Variants in CENPU observed in about 807,000 individuals in gnomAD.
CENPU encodes the protein centromere protein U.
CENPU carries 46 observed loss-of-function variants against 56.7 expected under a neutral mutation model. That is an observed-to-expected ratio of 0.81 (90% CI 0.64 to 1.04). The LOEUF (loss-of-function observed/expected upper bound fraction) is 1.04. Ranked by LOEUF, CENPU falls within the 50% of genes least tolerant of loss-of-function variation. The pLI is 0.00. For missense variants in CENPU, 510 were observed against 490.1 expected, an observed-to-expected ratio of 1.04 and a Z score of -0.38; for synonymous variants, 166 against 163.0, an observed-to-expected ratio of 1.02 and a Z score of -0.14.
intron 4 of CENPU, among the ~76,000 whole-genome samples, chr4:184,721,410 G>A (rs1195335441): frequency 2.5e-5 from 3 of 118,224 alleles, no homozygotes; most frequent in African/African-American, 9.7e-5. Flanking sequence ...AACACTGAAT[G>A]TAAATGGACT....
Position 184,695,238 on chromosome 4 carries a change from A to C in CENPU, c.*50T>G, listed in dbSNP as rs751544653. The C allele has an allele frequency of 1.0e-5, 12 of 1,184,240 alleles. No individual in the cohort carries two copies. In the African/African-American group the frequency reaches 1.7e-4, roughly 16 times the overall value. 73.4% of individuals were successfully genotyped at this position (1,184,240 alleles called of 1,614,324 possible). On this transcript the variant is annotated 3_prime_UTR_variant, in exon 13 of 13. Coordinates refer to ENST00000281453, the MANE Select transcript of CENPU (RefSeq NM_024629.4). ...TATAAAGGTACAGTTTCAGAAGGTA[A>C]CAGCATGAGACTAGTCTTCCTATAG...
intron 12 of CENPU, 95 bp downstream of exon 12, chr4:184,697,552 C>T (rs889053343): frequency 1.7e-6 from 2 of 1,172,526 alleles, no homozygotes; most frequent in African/African-American, 1.5e-5. Flanking sequence ...TCTGTATCTG[C>T]ATTTGTCTTT....
chr4:184,715,024 T>C (rs149505403), intron 6 of CENPU, among the ~76,000 whole-genome samples: 300 of 152,288 alleles, frequency 2.0e-3, no homozygotes, highest in African/African-American at 7.1e-3. Context: ...ACAGAGATCA[T>C]AGTTTGCTTC....
chr4:184,725,624 C>G (rs115166608), intron 3 of CENPU, among the ~76,000 whole-genome samples: 1 of 152,204 alleles, frequency 6.6e-6, no homozygotes, highest in Non-Finnish European at 1.5e-5. Flanking sequence ...CTGCATTAAA[C>G]TATAAACTCA....
chr4:184,708,472 AAAAAATT>A (rs1760805260), intron 8 of CENPU, among the ~76,000 whole-genome samples: 1 of 151,904 alleles, frequency 6.6e-6, no homozygotes, highest in Non-Finnish European at 1.5e-5. Flanking sequence ...ATAAAAAAAT[AAAAAATT>A]AAAAAACCTT....
chr4:184,725,087 C>T, intron 3 of CENPU, 25 bp from the exon 4 acceptor site: 1 of 1,488,466 alleles, frequency 6.7e-7, no homozygotes, highest in East Asian at 2.3e-5. Context: ...AAAAGAAGCA[C>T]AACTTTAAAA....
chr4:184,721,778 G>C (rs1761286743), intron 4 of CENPU, among the ~76,000 whole-genome samples: 1 of 152,120 alleles, frequency 6.6e-6, no homozygotes, highest in South Asian at 2.1e-4. Flanking sequence ...TAAAGGGAGA[G>C]ACAGACCCCA....
At chr4:184,702,302 A>G in intron 9 of CENPU, 61 bp downstream of exon 9, 1 of 1,478,496 alleles carries the variant, frequency 6.8e-7, no homozygotes, top group South Asian at 1.2e-5. Flanking sequence ...AGACAACAAT[A>G]TGCTGCTACA....
intron 4 of CENPU, among the ~76,000 whole-genome samples, chr4:184,722,959 T>C (rs377581091): frequency 1.3e-5 from 2 of 152,254 alleles, no homozygotes; most frequent in East Asian, 3.9e-4. Flanking sequence ...TAGGTGGCAA[T>C]GTGGCAATAA....
chr4:184,732,506 G>C (rs143167565), intron 1 of CENPU, among the ~76,000 whole-genome samples: 3 of 152,262 alleles, frequency 2.0e-5, no homozygotes, highest in African/African-American at 7.2e-5. Flanking sequence ...CCGGGATTCA[G>C]AAAATTTAAG....
intron 7 of CENPU, chr4:184,710,425 T>C (rs1057482040): frequency 1.2e-5 from 4 of 331,264 alleles, no homozygotes; most frequent in Non-Finnish European, 1.6e-5. Context: ...ACCAAAAGCA[T>C]TGCTGCCTTT....
intron 4 of CENPU, among the ~76,000 whole-genome samples, chr4:184,720,180 G>T (rs982577852): frequency 1.3e-5 from 2 of 151,810 alleles, no homozygotes; most frequent in Non-Finnish European, 2.9e-5. Context: ...CTTTAACAAA[G>T]AATTGAAATA....
chr4:184,712,809 G>T, intron 7 of CENPU, 135 bp downstream of exon 7: 1 of 624,120 alleles, frequency 1.6e-6, no homozygotes. Context: ...TTACTCCAAA[G>T]TCACATATTC....
Position 184,724,073 on chromosome 4 carries a change from G to C in CENPU, c.320+884C>G, listed in dbSNP as rs1301825365. On this transcript the variant is annotated intron_variant, in intron 4 of 12. Transcript: ENST00000281453. ...AGATCAGGAGATCGAGACCAGCCTG[G>C]GTAACATGGTGAAACCCCGTCTCTA... Among the ~76,000 whole-genome samples, 6 of 151,624 alleles carry C rather than the reference G, an allele frequency of 4.0e-5. No homozygotes were observed. In the South Asian group the frequency reaches 6.3e-4, roughly 16 times the overall value.
rs770684104 is a variant in CENPU, at chr4:184,695,406, T to C, written c.1144-5A>G. The C allele has an allele frequency of 2.5e-6, 4 of 1,593,374 alleles. No homozygotes were observed. The Admixed American group carries it at 6.7e-5, about 27-fold the overall frequency. ...TGGAAGGCTGGATGAATCATACTGT[T>C]GAAAGAAAATTATATAATTAGCAAT... On this transcript the variant is annotated splice_region_variant and splice_polypyrimidine_tract_variant and intron_variant, in intron 12 of 12. Transcript: ENST00000281453.
At position 184,716,565 on chromosome 4, in the gene CENPU, T is replaced by C. The variant is rs1190790245; in HGVS notation, c.450A>G (p.Lys150=). 1 of 1,614,100 alleles carries C rather than the reference T, an allele frequency of 6.2e-7. No homozygotes were observed. The highest frequency in any genetic ancestry group is 8.5e-7 in the Non-Finnish European group (1 of 1,180,042). The change falls in exon 6 of 13, where the codon AAA becomes AAG. Residue 150 remains lysine (K), a synonymous_variant. Coordinates refer to ENST00000281453, the MANE Select transcript of CENPU (RefSeq NM_024629.4). The part of the protein sequence containing the change: ...ESIEESDTRR[K]VKSAEKISTQ... Reference sequence around the variant, plus strand: ...TACTTATTTTCTCTGCTGATTTAACTTTTCTCCTTGTATCACTTTCTTCAA... The same window carrying C: ...TACTTATTTTCTCTGCTGATTTAACCTTTCTCCTTGTATCACTTTCTTCAA...
intron 8 of CENPU, among the ~76,000 whole-genome samples, chr4:184,705,967 T>C (rs979541614): frequency 6.6e-5 from 10 of 152,114 alleles, no homozygotes; most frequent in African/African-American, 2.4e-4. Flanking sequence ...GGGTGGAGAA[T>C]AGAAAATTGT....
At position 184,694,408 on chromosome 4, in the gene CENPU, C is replaced by T; in HGVS notation, c.*880G>A. The T allele has an allele frequency of 7.0e-7, 1 of 1,421,576 alleles. No homozygotes were observed. Among genetic ancestry groups the T allele is most frequent in the Non-Finnish European group, 9.2e-7 (1 of 1,088,534 alleles). 88.1% of individuals were successfully genotyped at this position (1,421,576 alleles called of 1,614,324 possible). On this transcript the variant is annotated 3_prime_UTR_variant, in exon 13 of 13. Transcript: ENST00000281453. ...AGACAGCATTCCTCCTGCATATTCA[C>T]TTTAGTATCTGTCACTTAATACCTT...
At chr4:184,725,227 C>T (rs1030561155) in intron 3 of CENPU, among the ~76,000 whole-genome samples, 165 bp from the exon 4 acceptor site, 2 of 152,232 alleles carry the variant, frequency 1.3e-5, no homozygotes, top group Non-Finnish European at 2.9e-5. Context: ...CACACCTCAA[C>T]AATAAAAATT....
Sources: allele counts gnomAD v4.1 joint callset (sites outside exome capture counted in the v4.1 genomes callset), GRCh38; gene constraint gnomAD v4.1.1; transcripts MANE v1.5; gene names NCBI Gene and HGNC (gene_info 2026-07-23, HGNC 2026-07-21).